Variants in GABRB1 observed in about 807,000 individuals in gnomAD.
GABRB1 encodes the protein gamma-aminobutyric acid type A receptor subunit beta1, also known as gamma-aminobutyric acid receptor subunit beta-1.
In GABRB1, 17 loss-of-function variants were observed where a neutral mutation model predicts 51.6. The observed-to-expected ratio is 0.33, with a 90% CI of 0.23 to 0.49. The LOEUF is 0.49. Among genes scored for constraint, GABRB1 ranks in the 20% least tolerant of loss-of-function variants. The pLI is 0.99. For missense variants in GABRB1, 410 were observed against 600.6 expected, an observed-to-expected ratio of 0.68 and a Z score of 3.32; for synonymous variants, 247 against 218.9, an observed-to-expected ratio of 1.13 and a Z score of -1.14.
intron 3 of GABRB1, among the ~76,000 whole-genome samples, chr4:47,058,634 A>T (rs1168124573): frequency 6.6e-6 from 1 of 152,126 alleles, no homozygotes; most frequent in East Asian, 1.9e-4. Context: ...CCCTGGGGGT[A>T]ATGCAGGCTG....
Position 47,403,361 on chromosome 4 carries a change from A to G in GABRB1, c.588A>G (p.Gly196=), listed in dbSNP as rs1728465183. The change falls in exon 6 of 9, where the codon GGA becomes GGG. Residue 196 remains glycine, a synonymous_variant. Coordinates refer to ENST00000295454, the MANE Select transcript of GABRB1 (RefSeq NM_000812.4). The part of the protein sequence containing the change: ...TDDIEFYWNG[G]EGAVTGVNKI... Reference sequence around the variant, plus strand: ...ACATTGAATTTTACTGGAATGGAGGAGAAGGGGCAGTCACTGGTGTTAATA... The same window carrying G: ...ACATTGAATTTTACTGGAATGGAGGGGAAGGGGCAGTCACTGGTGTTAATA... 1.2e-6 allele frequency: 2 copies of G among 1,613,850 alleles called. No individual in the cohort carries two copies. The highest frequency in any genetic ancestry group is 2.7e-5 in the African/African-American group (2 of 74,902).
At chr4:47,019,209 C>T (rs1724836405) in intron 1 of GABRB1, among the ~76,000 whole-genome samples, 1 of 152,056 alleles carries the variant, frequency 6.6e-6, no homozygotes, top group Admixed American at 6.6e-5. Flanking sequence ...TTCCTAGATG[C>T]TCGGCCCTTT....
At chr4:47,378,319 G>C (rs1038888544) in intron 5 of GABRB1, among the ~76,000 whole-genome samples, 4 of 152,196 alleles carry the variant, frequency 2.6e-5, no homozygotes, top group African/African-American at 9.6e-5. Context: ...ATTGCCTGGC[G>C]CGCCGGCAGG....
At chr4:47,215,965 ATT>A (rs921335423) in intron 4 of GABRB1, among the ~76,000 whole-genome samples, 2 of 152,054 alleles carry the variant, frequency 1.3e-5, no homozygotes, top group African/African-American at 4.8e-5. Flanking sequence ...ATGATATCAC[ATT>A]TTATGTTACC....
intron 4 of GABRB1, among the ~76,000 whole-genome samples, chr4:47,305,609 T>C (rs1021090664): frequency 9.2e-5 from 14 of 152,098 alleles, no homozygotes. Context: ...AAGAAGCAAG[T>C]AATCAAATAA....
At chr4:47,071,923 G>T (rs1318099839) in intron 3 of GABRB1, among the ~76,000 whole-genome samples, 1 of 151,698 alleles carries the variant, frequency 6.6e-6, no homozygotes, top group Non-Finnish European at 1.5e-5. Flanking sequence ...GGGCGACAGG[G>T]GTGATGAAAC....
chr4:47,140,850 T>C (rs563347860), intron 3 of GABRB1, among the ~76,000 whole-genome samples: 3 of 151,830 alleles, frequency 2.0e-5, no homozygotes, highest in South Asian at 2.1e-4. Flanking sequence ...TAAAGGTATA[T>C]GTGATGTTTA....
At chr4:47,335,228 C>T (rs1416986645) in intron 5 of GABRB1, among the ~76,000 whole-genome samples, 1 of 152,052 alleles carries the variant, frequency 6.6e-6, no homozygotes, top group Non-Finnish European at 1.5e-5. Context: ...ACGATAGGTT[C>T]TCACGGGTCA....
At chr4:47,393,010 T>G (rs1728056276) in intron 5 of GABRB1, among the ~76,000 whole-genome samples, 1 of 152,204 alleles carries the variant, frequency 6.6e-6, no homozygotes, top group South Asian at 2.1e-4. Flanking sequence ...TAATTTAGTT[T>G]TCTGGATTAG....
Position 47,247,338 on chromosome 4 carries a change from G to C in GABRB1, c.462-72789G>C, listed in dbSNP as rs556273094. Among the ~76,000 whole-genome samples the C allele has an allele frequency of 2.0e-5, 3 of 152,096 alleles. No homozygotes were observed. The East Asian group carries it at 5.8e-4, about 29-fold the overall frequency. Reference sequence around the variant, plus strand: ...AAAGATCAGTTGGCTGTAAGTATTTGGGTTTATTTCTGGGTTCTCTATTCT... The same window carrying C: ...AAAGATCAGTTGGCTGTAAGTATTTCGGTTTATTTCTGGGTTCTCTATTCT... On this transcript the variant is annotated intron_variant, in intron 4 of 8. Coordinates refer to ENST00000295454, the MANE Select transcript of GABRB1 (RefSeq NM_000812.4).
chr4:47,119,231 A>G (rs1715640813), intron 3 of GABRB1, among the ~76,000 whole-genome samples: 1 of 152,116 alleles, frequency 6.6e-6, no homozygotes, highest in African/African-American at 2.4e-5. Flanking sequence ...AATGGCAAAT[A>G]TACAATAAAA....
At chr4:47,359,526 A>C (rs1395191258) in intron 5 of GABRB1, among the ~76,000 whole-genome samples, 1 of 152,048 alleles carries the variant, frequency 6.6e-6, no homozygotes, top group Non-Finnish European at 1.5e-5. Flanking sequence ...GGAGCTGAAG[A>C]AAAAAATGAC....
chr4:47,328,247 T>C (rs2109971586), intron 5 of GABRB1, among the ~76,000 whole-genome samples: 1 of 152,318 alleles, frequency 6.6e-6, no homozygotes, highest in African/African-American at 2.4e-5. Context: ...AAAAATTTTC[T>C]CCCATTCTGT....
At chr4:47,108,309 T>C (rs10023997) in intron 3 of GABRB1, among the ~76,000 whole-genome samples, 2,359 of 152,158 alleles carry the variant, frequency 0.016, 52 homozygotes, top group African/African-American at 0.054. Flanking sequence ...GAATAATAAA[T>C]GAATCCATGA....
At chr4:47,368,609 G>A (rs905000338) in intron 5 of GABRB1, among the ~76,000 whole-genome samples, 2 of 152,112 alleles carry the variant, frequency 1.3e-5, no homozygotes, top group Non-Finnish European at 2.9e-5. Context: ...CTTACAGGGA[G>A]CCAGGCCCAA....
chr4:47,322,768 C>T (rs964382203), intron 5 of GABRB1, among the ~76,000 whole-genome samples: 3 of 151,926 alleles, frequency 2.0e-5, no homozygotes, highest in Non-Finnish European at 2.9e-5. Context: ...GTCAGGAGTT[C>T]GAGACCAGCC....
intron 3 of GABRB1, among the ~76,000 whole-genome samples, chr4:47,064,641 CAAAAAAAAAAAAA>C (rs33963952): frequency 3.4e-5 from 2 of 58,234 alleles, no homozygotes; most frequent in Admixed American, 2.0e-4. Flanking sequence ...GACTCCATCT[CAAAAAAAAAAAAA>C]AAAAAAAAAG....
At chr4:47,168,860 A>C (rs1221930698) in intron 4 of GABRB1, among the ~76,000 whole-genome samples, 1 of 152,130 alleles carries the variant, frequency 6.6e-6, no homozygotes, top group Non-Finnish European at 1.5e-5. Context: ...GAGGGCTCTG[A>C]GGAGAAGGTC....
intron 4 of GABRB1, among the ~76,000 whole-genome samples, chr4:47,267,363 A>G (rs921862057): frequency 1.3e-5 from 2 of 152,068 alleles, no homozygotes; most frequent in African/African-American, 4.8e-5. Context: ...GTGAAAGAGT[A>G]GGAATAAAAA....
Sources: allele counts gnomAD v4.1 joint callset (sites outside exome capture counted in the v4.1 genomes callset), GRCh38; gene constraint gnomAD v4.1.1; transcripts MANE v1.5; gene names NCBI Gene and HGNC (gene_info 2026-07-23, HGNC 2026-07-21).